Variants in CLN6 observed in about 807,000 individuals in gnomAD.
The protein encoded by CLN6 is ceroid-lipofuscinosis neuronal protein 6.
In CLN6, 22 loss-of-function variants were observed where a neutral mutation model predicts 33.3. The ratio of observed to expected loss-of-function variants is 0.66; its 90% CI spans 0.47 to 0.94. The LOEUF is 0.94. Ranked by LOEUF, CLN6 falls within the 40% of genes least tolerant of loss-of-function variation. The probability of loss-of-function intolerance (pLI) is 0.00; values close to 1 mark genes in which losing one functional copy is unlikely to be tolerated. For missense variants in CLN6, 387 were observed against 417.1 expected, an observed-to-expected ratio of 0.93 and a Z score of 0.63; for synonymous variants, 201 against 174.6, an observed-to-expected ratio of 1.15 and a Z score of -1.19.
At chr15:68,229,932 G>A (rs1471766393), upstream of CLN6, among the ~76,000 whole-genome samples, 1 of 152,210 alleles carries the variant, frequency 6.6e-6, no homozygotes, top group Non-Finnish European at 1.5e-5. Flanking sequence ...TTGCCTGCCT[G>A]GGTACGGGAA....
rs915885485 is a variant in CLN6 at position 68,229,650 on chromosome 15, G to A, written c.-66C>T. 7 of 1,289,368 alleles carry A rather than the reference G, an allele frequency of 5.4e-6. No homozygotes were observed. Among genetic ancestry groups the A allele is most frequent in the Middle Eastern group, 2.6e-4 (1 of 3,788 alleles). The allele number at this position is 1,289,368 out of a possible 1,614,324, so 79.9% of individuals were successfully genotyped here. On this transcript the variant is annotated 5_prime_UTR_variant, in exon 1 of 7. Coordinates refer to ENST00000249806, the MANE Select transcript of CLN6 (RefSeq NM_017882.3). ...GAGACCGGTTCAGCTCGGCTGCCCC[G>A]GCGGAGGCCGCCGCAAATTCCCAGC...
In CLN6 at chr15:68,210,180, G is replaced by A. The variant is rs1007781120; in HGVS notation, c.543-421C>T. Among the ~76,000 whole-genome samples the A allele has an allele frequency of 1.3e-5, 2 of 152,048 alleles. No individual in the cohort carries two copies. The highest frequency in any genetic ancestry group is 4.8e-5 in the African/African-American group (2 of 41,384). On this transcript the variant is annotated intron_variant, in intron 5 of 6. Coordinates refer to ENST00000249806, the MANE Select transcript of CLN6 (RefSeq NM_017882.3). This position sits in a 1 kb window ranked among gnomAD's most constrained non-coding sequence, Gnocchi z 5.6. ...GCACCTGCAGGGGCCTCTTGGTGAA[G>A]CACTGCACCCACTCTCAGCACACAG...
chr15:68,243,226 T>A (rs1892294095), intron 1 of CLN6, among the ~76,000 whole-genome samples: 1 of 152,230 alleles, frequency 6.6e-6, no homozygotes, highest in African/African-American at 2.4e-5. Flanking sequence ...TCTGTGAGTA[T>A]AAACAAGTTG....
rs184818596 is a variant in CLN6 at position 68,223,977 on chromosome 15, C to T, written c.84-5327G>A. Reference sequence around the variant, plus strand: ...AGGACAATCACTTAAACCTGGGAGGCGGAGGTTGCAGTGAGCCAGGATCAC... The same window carrying T: ...AGGACAATCACTTAAACCTGGGAGGTGGAGGTTGCAGTGAGCCAGGATCAC... On this transcript the variant is annotated intron_variant, in intron 1 of 6. Transcript: ENST00000249806. Among the ~76,000 whole-genome samples, 143 of 150,882 alleles carry T rather than the reference C, an allele frequency of 9.5e-4. 1 individual carries two copies. Among genetic ancestry groups the T allele is most frequent in the Middle Eastern group, 3.4e-3 (1 of 294 alleles).
chr15:68,235,058 A>G (rs1255332629), intron 1 of CLN6, among the ~76,000 whole-genome samples: 3 of 152,032 alleles, frequency 2.0e-5, no homozygotes, highest in South Asian at 2.1e-4. Context: ...AACAAAACCA[A>G]TAGACATTTA....
intron 1 of CLN6, among the ~76,000 whole-genome samples, chr15:68,249,885 G>T (rs1405950990): frequency 6.6e-6 from 1 of 152,162 alleles, no homozygotes; most frequent in Non-Finnish European, 1.5e-5. Context: ...CGATTCTCCT[G>T]TCTCAGCCTC....
intron 1 of CLN6, among the ~76,000 whole-genome samples, chr15:68,255,619 C>T (rs1307734500): frequency 2.0e-5 from 3 of 152,146 alleles, no homozygotes; most frequent in Non-Finnish European, 4.4e-5. Context: ...GTTTGAAAGT[C>T]ACTGCATATG....
chr15:68,235,158 T>TAACCTTGG (rs1478732374), intron 1 of CLN6, among the ~76,000 whole-genome samples: 1 of 152,220 alleles, frequency 6.6e-6, no homozygotes, highest in Non-Finnish European at 1.5e-5. Flanking sequence ...GGGATAGCGC[T>TAACCTTGG]AACCTTGGCT....
intron 1 of CLN6, chr15:68,254,762 G>A (rs1595833140): frequency 3.8e-6 from 3 of 789,690 alleles, no homozygotes; most frequent in South Asian, 2.7e-5. Context: ...ACCTAAAAAG[G>A]CCCCTGCAAA....
intron 1 of CLN6, among the ~76,000 whole-genome samples, chr15:68,249,715 A>G (rs1164159547): frequency 6.6e-6 from 1 of 152,200 alleles, no homozygotes; most frequent in African/African-American, 2.4e-5. Context: ...AGGTAGAAGA[A>G]AGAAGACCTG....
At chr15:68,249,466 G>A (rs911966070) in intron 1 of CLN6, among the ~76,000 whole-genome samples, 1 of 152,204 alleles carries the variant, frequency 6.6e-6, no homozygotes, top group African/African-American at 2.4e-5. Context: ...ATGTGGTATA[G>A]ATATACAATG....
intron 1 of CLN6, among the ~76,000 whole-genome samples, chr15:68,240,095 G>T (rs1178883950): frequency 6.6e-6 from 1 of 152,134 alleles, no homozygotes; most frequent in Non-Finnish European, 1.5e-5. Context: ...ACTTATGGAT[G>T]CAGGAAAAAT....
At chr15:68,238,438 A>T (rs532980784) in intron 1 of CLN6, among the ~76,000 whole-genome samples, 1 of 152,202 alleles carries the variant, frequency 6.6e-6, no homozygotes, top group East Asian at 1.9e-4. Flanking sequence ...CCACATCTGG[A>T]CATGGTGTAG....
At chr15:68,229,875 C>T (rs2093265303), upstream of CLN6, 1 of 243,446 alleles carries the variant, frequency 4.1e-6, no homozygotes, top group Non-Finnish European at 7.6e-6. Context: ...CTGGCCTGTC[C>T]GGGCTGCGCG....
chr15:68,228,712 C>T lies in CLN6; in HGVS notation c.83+790G>A, dbSNP rs1020317426. ...CCTCCATGAAGCCCTCCAAGATGAC[C>T]GCTCACTCCCACTTGGGCTCTGTCT... is the stretch of plus-strand genomic sequence containing the variant. On this transcript the variant is annotated intron_variant, in intron 1 of 6. Transcript: ENST00000249806. The surrounding 1 kb of genome is among the most constrained non-coding windows in gnomAD (Gnocchi z 4.4). Among the ~76,000 whole-genome samples the T allele has an allele frequency of 1.3e-5, 2 of 152,088 alleles. No homozygotes were observed. The highest frequency in any genetic ancestry group is 4.8e-5 in the African/African-American group (2 of 41,410).
At chr15:68,226,798 A>T (rs796213422) in intron 1 of CLN6, among the ~76,000 whole-genome samples, 5 of 151,966 alleles carry the variant, frequency 3.3e-5, no homozygotes, top group African/African-American at 1.2e-4. Context: ...TGGTTTAATT[A>T]ATACATGCAA....
upstream of CLN6, among the ~76,000 whole-genome samples, chr15:68,233,383 C>T (rs760144857): frequency 4.6e-5 from 7 of 152,180 alleles, no homozygotes; most frequent in South Asian, 2.1e-4. The surrounding 1 kb of genome is among the most constrained non-coding windows in gnomAD (Gnocchi z 4.3). Flanking sequence ...GTTACAAGGC[C>T]GTGGCCAAGT....
In CLN6 at chr15:68,241,834, G is replaced by A. The variant is rs772620655; in HGVS notation, c.179+14856C>T. 2.0e-5 allele frequency among the ~76,000 whole-genome samples: 3 copies of A among 152,108 alleles called. No individual in the cohort carries two copies. Among genetic ancestry groups the A allele is most frequent in the Non-Finnish European group, 4.4e-5 (3 of 68,028 alleles). ...ACTTCAGTGTTCCAATTGTTTATTAGAGCCGAGGCAAACCTGGGCTTAAGA... is the reference window on the plus strand; with the variant it reads ...ACTTCAGTGTTCCAATTGTTTATTAAAGCCGAGGCAAACCTGGGCTTAAGA... On this transcript the variant is annotated intron_variant, in intron 1 of 6. Coordinates refer to the CLN6 transcript ENST00000538696. The surrounding 1 kb of genome is among the most constrained non-coding windows in gnomAD (Gnocchi z 4.2).
rs1164923610 is a variant in CLN6, at chr15:68,256,709, G to A, written c.160C>T (p.Leu54Phe). 5.9e-6 allele frequency: 4 copies of A among 677,088 alleles called. No individual in the cohort carries two copies. The highest frequency in any genetic ancestry group is 8.1e-6 in the Non-Finnish European group (3 of 372,404). 41.9% of individuals were successfully genotyped at this position (677,088 alleles called of 1,614,324 possible). The stretch of plus-strand genomic sequence containing the variant: ...ACTTACTTTTTACCTTTGAATTTGA[G>A]TTTTCTCAGCGAAGTCTCACAGGAC... Residue 54 changes from leucine to phenylalanine, a missense_variant, in exon 1 of 7, where the codon CTC (leucine) becomes TTC (phenylalanine). By Grantham distance (22) the Leu-to-Phe change is conservative. Coordinates refer to the CLN6 transcript ENST00000538696. The surrounding 1 kb of genome is among the most constrained non-coding windows in gnomAD (Gnocchi z 4.1).
Sources: gnomAD v4.1 joint callset for allele counts (sites outside exome capture counted in the v4.1 genomes callset) on GRCh38, gnomAD v4.1.1 for gene constraint, Gnocchi (gnomAD v3.1) non-coding constraint, MANE v1.5 for transcripts, NCBI Gene and HGNC (gene_info 2026-07-23, HGNC 2026-07-21) for gene names.